Variants in ZNF717 observed in about 807,000 individuals in gnomAD.
The protein encoded by ZNF717 is zinc finger protein 717.
In ZNF717, 9 loss-of-function variants were observed where a neutral mutation model predicts 13.8. The observed-to-expected ratio is 0.65, with a 90% confidence interval of 0.39 to 1.14. The LOEUF (loss-of-function observed/expected upper bound fraction) is 1.14, where lower values mean the gene tolerates loss of function less well. Ranked by LOEUF, ZNF717 falls within the 50% of genes most tolerant of loss-of-function variation. ZNF717 has a pLI of 0.01. For synonymous variants in ZNF717, 327 were observed against 364.1 expected (o/e 0.90, Z 1.16); for missense variants, 1,040 against 1,080.7 (o/e 0.96, Z 0.53).
downstream of ZNF717, among the ~76,000 whole-genome samples, chr3:75,727,376 G>A: frequency 6.6e-6 from 1 of 152,198 alleles, no homozygotes; most frequent in East Asian, 1.9e-4. Flanking sequence ...CTGCCTGCAG[G>A]GTTGGGCAGA....
chr3:75,778,476 G>C (rs1375833122), intron 2 of ZNF717, among the ~76,000 whole-genome samples: 1 of 118,566 alleles, frequency 8.4e-6, no homozygotes, highest in Non-Finnish European at 1.8e-5. Flanking sequence ...ACCCAAAACA[G>C]TGGGAGTGAC....
intron 2 of ZNF717, among the ~76,000 whole-genome samples, chr3:75,774,713 C>G (rs59960229): frequency 6.8e-6 from 1 of 147,184 alleles, no homozygotes; most frequent in East Asian, 2.0e-4. Context: ...CTCCGCCTCC[C>G]GGGTTCACAC....
chr3:75,694,811 A>G (rs1471748852), intron 6 of ZNF717, among the ~76,000 whole-genome samples: 3 of 152,232 alleles, frequency 2.0e-5, no homozygotes, highest in African/African-American at 7.2e-5. Flanking sequence ...TTCAAGCCTC[A>G]TGGTAATTTC....
chr3:75,752,660 A>C (rs1478432530), intron 2 of ZNF717, among the ~76,000 whole-genome samples: 1 of 151,558 alleles, frequency 6.6e-6, no homozygotes, highest in African/African-American at 2.4e-5. Flanking sequence ...ATAGGATTCC[A>C]GAACACTGCT....
downstream of ZNF717, among the ~76,000 whole-genome samples, chr3:75,727,416 G>T (rs1938307502): frequency 6.6e-6 from 1 of 152,174 alleles, no homozygotes; most frequent in Non-Finnish European, 1.5e-5. Flanking sequence ...CTTGCAGAGG[G>T]CCTACAGATG....
At chr3:75,700,955 A>G in intron 6 of ZNF717, among the ~76,000 whole-genome samples, 1 of 152,312 alleles carries the variant, frequency 6.6e-6, no homozygotes, top group Non-Finnish European at 1.5e-5. Context: ...AAAGCAAGTC[A>G]GAAAGCCTTT....
At chr3:75,752,359 G>A (rs573228456) in intron 2 of ZNF717, among the ~76,000 whole-genome samples, 1 of 150,008 alleles carries the variant, frequency 6.7e-6, no homozygotes, top group East Asian at 1.9e-4. Context: ...GGGTCTGAAT[G>A]TTTGTCCCTC....
At chr3:75,698,227 C>A (rs1937626497) in intron 6 of ZNF717, among the ~76,000 whole-genome samples, 1 of 152,312 alleles carries the variant, frequency 6.6e-6, no homozygotes, top group Non-Finnish European at 1.5e-5. Flanking sequence ...GCAGCCTAGT[C>A]ATGTGGCTGA....
downstream of ZNF717, among the ~76,000 whole-genome samples, chr3:75,734,254 A>G (rs77882025): frequency 5.3e-5 from 8 of 151,790 alleles, no homozygotes; most frequent in African/African-American, 1.9e-4. Flanking sequence ...TATTTTTATT[A>G]GAGACAGTGT....
intron 2 of ZNF717, among the ~76,000 whole-genome samples, chr3:75,760,213 T>A (rs1160084074): frequency 6.6e-6 from 1 of 151,874 alleles, no homozygotes; most frequent in African/African-American, 2.4e-5. Context: ...ATATTTTTTT[T>A]TTCTATTTTT....
At chr3:75,726,554 C>A (rs1322649490), downstream of ZNF717, among the ~76,000 whole-genome samples, 26 of 152,190 alleles carry the variant, frequency 1.7e-4, no homozygotes, top group Admixed American at 1.6e-3. Context: ...TCCATGTGAA[C>A]CACACCATCT....
At chr3:75,706,952 T>C (rs1937814848), downstream of ZNF717, among the ~76,000 whole-genome samples, 1 of 152,312 alleles carries the variant, frequency 6.6e-6, no homozygotes, top group African/African-American at 2.4e-5. Context: ...TCTGAATGCC[T>C]GACCTCTTAC....
chr3:75,783,749 T>C (rs1312149967), intron 1 of ZNF717, among the ~76,000 whole-genome samples: 2 of 152,282 alleles, frequency 1.3e-5, no homozygotes, highest in Non-Finnish European at 2.9e-5. Context: ...TATTAATATG[T>C]GGATTCCACA....
chr3:75,751,250 G>C (rs1327650284), intron 2 of ZNF717, among the ~76,000 whole-genome samples: 1 of 150,548 alleles, frequency 6.6e-6, no homozygotes, highest in Admixed American at 6.6e-5. Flanking sequence ...GAACTCTCCT[G>C]CTGTGGTCTG....
intron 2 of ZNF717, among the ~76,000 whole-genome samples, chr3:75,749,780 T>C (rs1941539289): frequency 6.6e-6 from 1 of 151,706 alleles, no homozygotes; most frequent in South Asian, 2.1e-4. Flanking sequence ...AGTCTGAATG[T>C]TGATACCTCA....
At chr3:75,778,536 AC>A (rs1363277400) in intron 2 of ZNF717, among the ~76,000 whole-genome samples, 1 of 151,758 alleles carries the variant, frequency 6.6e-6, no homozygotes, top group Non-Finnish European at 1.5e-5. Flanking sequence ...TAAACCAGAA[AC>A]CCAAAACAGT....
Position 75,736,899 on chromosome 3 carries a change from T to C in ZNF717, c.2724A>G (p.Gln908=), listed in dbSNP as rs1291544290. 38 of 1,551,510 alleles carry C rather than the reference T, an allele frequency of 2.4e-5. No individual in the cohort carries two copies. The highest frequency in any genetic ancestry group is 3.1e-5 in the Non-Finnish European group (35 of 1,147,384). ...DVAEAGYVFP[Q]NHSFFP ...GTGTTCAAGGGAAAAAAGAGTGATT[T>C]TGAGGGAACACATAGCCTGCCTCAG... Residue 908 remains glutamine (Q), a synonymous_variant, in exon 5 of 5, where the codon CAA becomes CAG. Transcript: ENST00000652011.
intron 2 of ZNF717, among the ~76,000 whole-genome samples, chr3:75,757,531 GAC>G (rs1942601636): frequency 6.6e-6 from 1 of 152,158 alleles, no homozygotes; most frequent in Non-Finnish European, 1.5e-5. Flanking sequence ...ACCGCTCAAT[GAC>G]AATGCTCCTG....
At chr3:75,782,195 G>A (rs1944873748) in intron 2 of ZNF717, among the ~76,000 whole-genome samples, 1 of 152,164 alleles carries the variant, frequency 6.6e-6, no homozygotes, top group Non-Finnish European at 1.5e-5. Context: ...GGTTAATGGT[G>A]AGTTTAGAAG....
Sources: allele counts gnomAD v4.1 joint callset (sites outside exome capture counted in the v4.1 genomes callset), GRCh38; gene constraint gnomAD v4.1.1; transcripts MANE v1.5; gene names NCBI Gene and HGNC (gene_info 2026-07-23, HGNC 2026-07-21).